NEIL3: variants seen among roughly 807,000 people sequenced by gnomAD.
NEIL3 encodes the protein endonuclease 8-like 3.
A neutral mutation model predicts 57.5 loss-of-function variants in NEIL3; 48 were observed. The observed-to-expected ratio is 0.83, with a 90% confidence interval of 0.66 to 1.06. NEIL3 has a LOEUF of 1.06. Ranked by LOEUF, NEIL3 falls within the 50% of genes least tolerant of loss-of-function variation. NEIL3 has a pLI of 0.00. For synonymous variants in NEIL3, 261 were observed against 253.2 expected (o/e 1.03, Z -0.29); for missense variants, 717 against 739.1 (o/e 0.97, Z 0.35).
intron 6 of NEIL3, among the ~76,000 whole-genome samples, chr4:177,345,937 C>T (rs1382917099): frequency 6.6e-6 from 1 of 151,804 alleles, no homozygotes; most frequent in Non-Finnish European, 1.5e-5. Context: ...GTGATCCATC[C>T]ACCTCGACCT....
intron 5 of NEIL3, among the ~76,000 whole-genome samples, chr4:177,340,975 G>GA (rs34155910): frequency 1.4e-3 from 215 of 149,528 alleles, no homozygotes; most frequent in African/African-American, 4.0e-3. Flanking sequence ...GGTTAAAAAG[G>GA]AAAAAAAAAT....
chr4:177,350,895 A>C (rs1438400244), intron 6 of NEIL3, among the ~76,000 whole-genome samples: 1 of 151,228 alleles, frequency 6.6e-6, no homozygotes, highest in Non-Finnish European at 1.5e-5. Flanking sequence ...ATTAGTTGTT[A>C]AAGGGGGGTC....
chr4:177,312,172 A>G (rs1206691054), intron 1 of NEIL3, among the ~76,000 whole-genome samples: 1 of 152,216 alleles, frequency 6.6e-6, no homozygotes, highest in East Asian at 1.9e-4. Context: ...ACCCTATGAT[A>G]AAGGATTAAC....
intron 8 of NEIL3, among the ~76,000 whole-genome samples, chr4:177,360,192 G>A (rs1169613030): frequency 6.6e-6 from 1 of 152,136 alleles, no homozygotes; most frequent in Admixed American, 6.5e-5. Flanking sequence ...GTGATATTGG[G>A]TAAGAAAAGA....
At chr4:177,322,366 G>A in intron 1 of NEIL3, 93 bp from the exon 2 acceptor site, 1 of 1,519,206 alleles carries the variant, frequency 6.6e-7, no homozygotes, top group Non-Finnish European at 9.0e-7. Context: ...ACCTGGGCGT[G>A]AAGTAATATA....
chr4:177,336,879 G>A (rs1164155706), intron 4 of NEIL3, among the ~76,000 whole-genome samples: 1 of 152,170 alleles, frequency 6.6e-6, no homozygotes, highest in East Asian at 1.9e-4. Flanking sequence ...AGCTGCTGTT[G>A]TGGAAGGATA....
chr4:177,362,607 T>C lies in NEIL3; in HGVS notation c.*136T>C. The C allele has an allele frequency of 1.5e-6, 1 of 646,448 alleles. No homozygotes were observed. Among genetic ancestry groups the C allele is most frequent in the Non-Finnish European group, 2.5e-6 (1 of 408,096 alleles). 40.0% of individuals were successfully genotyped at this position (646,448 alleles called of 1,614,324 possible). On this transcript the variant is annotated 3_prime_UTR_variant, in exon 10 of 10. Coordinates refer to ENST00000264596, the MANE Select transcript of NEIL3 (RefSeq NM_018248.3). ...CAATATTTGAGAACTGTTCTTTTTT[T>C]TTCTTGTGTGTGCCATCTTTCCATT...
rs552720284 is a variant in NEIL3, at chr4:177,323,840, T to C, written c.278+1260T>C. ...CACCAGACTGATAAGGGGGAAGTCA[T>C]TTCTCAGCACACGGCTGTCAGTAAG... is the stretch of plus-strand genomic sequence containing the variant. On this transcript the variant is annotated intron_variant, in intron 2 of 9. Transcript: ENST00000264596. Among the ~76,000 whole-genome samples, 8 of 152,304 alleles carry C rather than the reference T, an allele frequency of 5.3e-5. 1 individual carries two copies. The South Asian group carries it at 1.7e-3, about 32-fold the overall frequency.
chr4:177,344,719 G>A (rs540423720), intron 6 of NEIL3, among the ~76,000 whole-genome samples: 4 of 151,840 alleles, frequency 2.6e-5, no homozygotes, highest in South Asian at 2.1e-4. Flanking sequence ...CCACCACCAC[G>A]CCCAGCTAAT....
intron 3 of NEIL3, 108 bp from the exon 4 acceptor site, chr4:177,335,999 CT>C: frequency 9.4e-7 from 1 of 1,061,728 alleles, no homozygotes; most frequent in Non-Finnish European, 1.4e-6. Flanking sequence ...ATATGTAACT[CT>C]TATACCCTGA....
Position 177,339,795 on chromosome 4 carries a change from A to G in NEIL3, c.640A>G (p.Thr214Ala), listed in dbSNP as rs929061312. 4 of 1,613,012 alleles carry G rather than the reference A, an allele frequency of 2.5e-6. No homozygotes were observed. The highest frequency in any genetic ancestry group is 3.4e-6 in the Non-Finnish European group (4 of 1,179,206). Residue 214 changes from threonine (T) to alanine (A), a missense_variant, in exon 5 of 10, where the codon ACA (threonine) becomes GCA (alanine). Thr to Ala is a moderately conservative substitution (Grantham distance 58, BLOSUM62 0). Transcript: ENST00000264596. Reference sequence around the variant, plus strand: ...TTTCCACTTCAAGGTTTGTCAATTAACAGATGAACAGATCCATCACCTCAT... The same window carrying G: ...TTTCCACTTCAAGGTTTGTCAATTAGCAGATGAACAGATCCATCACCTCAT... ...LHPAVKVCQLTDEQIHHLMKM... is the reference protein window; with the variant it reads ...LHPAVKVCQLADEQIHHLMKM...
intron 8 of NEIL3, among the ~76,000 whole-genome samples, chr4:177,357,201 C>G (rs886330790): frequency 5.3e-5 from 8 of 152,088 alleles, no homozygotes; most frequent in African/African-American, 9.7e-5. Flanking sequence ...TCAGTGAGAC[C>G]GATTAATCCA....
In NEIL3 at chr4:177,322,536, T is replaced by G; in HGVS notation, c.234T>G (p.Thr78=). Residue 78 remains threonine (T), a synonymous_variant, in exon 2 of 10, where the codon ACT becomes ACG. Transcript: ENST00000264596. ...FNGYVYSGVE[T]LGKELFMYFG... Reference sequence around the variant, plus strand: ...GATATGTTTACAGTGGCGTGGAAACTTTGGGGAAGGAGCTCTTTATGTACT... The same window carrying G: ...GATATGTTTACAGTGGCGTGGAAACGTTGGGGAAGGAGCTCTTTATGTACT... 6.2e-7 allele frequency: 1 copy of G among 1,613,944 alleles called. No homozygotes were observed. Among genetic ancestry groups the G allele is most frequent in the Non-Finnish European group, 8.5e-7 (1 of 1,179,878 alleles).
At chr4:177,341,435 T>G (rs908542004) in intron 5 of NEIL3, 41 bp from the exon 6 acceptor site, 11 of 1,536,066 alleles carry the variant, frequency 7.2e-6, no homozygotes, top group Non-Finnish European at 9.6e-6. Flanking sequence ...GGCAGCACTG[T>G]TTTGTGGATA....
chr4:177,364,908 CAG>C (rs1371903535), downstream of NEIL3, among the ~76,000 whole-genome samples: 1 of 146,268 alleles, frequency 6.8e-6, no homozygotes, highest in Non-Finnish European at 1.5e-5. Flanking sequence ...AGCCTGGTGA[CAG>C]AGTGAGACTC....
intron 1 of NEIL3, among the ~76,000 whole-genome samples, chr4:177,312,887 C>G (rs180883751): frequency 6.6e-6 from 1 of 151,980 alleles, no homozygotes; most frequent in African/African-American, 2.4e-5. Flanking sequence ...ATAATTATAA[C>G]CTTTTGTAAA....
chr4:177,342,491 T>C (rs1382947711), intron 6 of NEIL3, among the ~76,000 whole-genome samples: 5 of 152,158 alleles, frequency 3.3e-5, no homozygotes, highest in Non-Finnish European at 7.3e-5. Context: ...GTATATGTGA[T>C]TATAAGCCAG....
chr4:177,316,687 T>A (rs1273573026), intron 1 of NEIL3, among the ~76,000 whole-genome samples: 1 of 152,118 alleles, frequency 6.6e-6, no homozygotes. Flanking sequence ...CCCACAAATG[T>A]GCACTGAACC....
chr4:177,363,331 A>G (rs34530604), downstream of NEIL3, among the ~76,000 whole-genome samples: 990 of 152,350 alleles, frequency 6.5e-3, 21 homozygotes, highest in African/African-American at 0.023. Flanking sequence ...TAATTTTTCC[A>G]TGCAGAGCTA....
Sources: gnomAD v4.1 joint callset for allele counts (sites outside exome capture counted in the v4.1 genomes callset) on GRCh38, gnomAD v4.1.1 for gene constraint, MANE v1.5 for transcripts, NCBI Gene and HGNC (gene_info 2026-07-23, HGNC 2026-07-21) for gene names.